The following STXBP5L variants were observed in gnomAD, a reference collection of about 807,000 sequenced individuals.
STXBP5L encodes the protein syntaxin-binding protein 5-like.
In STXBP5L, 65 loss-of-function variants were observed where a neutral mutation model predicts 144.5. That is an observed-to-expected ratio of 0.45 (90% CI 0.37 to 0.55). The LOEUF (loss-of-function observed/expected upper bound fraction) is 0.55, where lower values mean the gene tolerates loss of function less well. Among genes scored for constraint, STXBP5L ranks in the 20% least tolerant of loss-of-function variants. STXBP5L has a pLI of 0.00. For synonymous variants in STXBP5L, 505 were observed against 469.6 expected (o/e 1.08, Z -0.97); for missense variants, 1,298 against 1,405.5 (o/e 0.92, Z 1.22).
At chr3:121,405,813 A>T (rs532271987) in intron 22 of STXBP5L, among the ~76,000 whole-genome samples, 1 of 152,130 alleles carries the variant, frequency 6.6e-6, no homozygotes, top group Non-Finnish European at 1.5e-5. Context: ...AGCATTTATG[A>T]CTAAAAATTA....
chr3:121,343,627 A>C lies in STXBP5L; in HGVS notation c.2176+25087A>C, dbSNP rs1468033938. Among the ~76,000 whole-genome samples the C allele has an allele frequency of 3.3e-5, 5 of 152,158 alleles. No homozygotes were observed. The South Asian group carries it at 1.0e-3, about 32-fold the overall frequency. ...TAACAGACAAACAGACAGCCAAATC[A>C]TGAGTGAACACCCATTCACAATTGC... On this transcript the variant is annotated intron_variant, in intron 20 of 26. Transcript: ENST00000471454.
chr3:120,996,394 C>G (rs771239566), intron 3 of STXBP5L, among the ~76,000 whole-genome samples: 2 of 151,854 alleles, frequency 1.3e-5, no homozygotes, highest in African/African-American at 4.8e-5. Context: ...ATTTTTTGAA[C>G]TGATTACTAT....
chr3:121,016,162 TA>T (rs1311538327), intron 3 of STXBP5L, among the ~76,000 whole-genome samples: 1 of 152,176 alleles, frequency 6.6e-6, no homozygotes, highest in Non-Finnish European at 1.5e-5. Context: ...CAGTTCCTAT[TA>T]ATCAATACAA....
At chr3:121,210,810 A>T (rs2048532114) in intron 10 of STXBP5L, among the ~76,000 whole-genome samples, 2 of 152,200 alleles carry the variant, frequency 1.3e-5, no homozygotes, top group Non-Finnish European at 1.5e-5. Flanking sequence ...TGGTACTAGT[A>T]CCATGCTGTT....
At chr3:121,288,308 A>T (rs1422805885) in intron 19 of STXBP5L, among the ~76,000 whole-genome samples, 1 of 152,220 alleles carries the variant, frequency 6.6e-6, no homozygotes, top group East Asian at 1.9e-4. Flanking sequence ...ATACGCATGC[A>T]TGTGTTTTTA....
At chr3:121,160,120 G>A (rs541295184) in intron 9 of STXBP5L, among the ~76,000 whole-genome samples, 1 of 152,220 alleles carries the variant, frequency 6.6e-6, no homozygotes, top group Non-Finnish European at 1.5e-5. Flanking sequence ...AAAACAAATA[G>A]GTCAGGGTAG....
At position 121,257,195 on chromosome 3, in the gene STXBP5L, A is replaced by G. The variant is rs2050234038; in HGVS notation, c.1694A>G (p.Asp565Gly). ...GTACGACTTCAGTATGATGTTGAAGATATTATTACCCCTGAACCAGAAACA... is the reference window on the plus strand; with the variant it reads ...GTACGACTTCAGTATGATGTTGAAGGTATTATTACCCCTGAACCAGAAACA... ...LEVRLQYDVE[D>G]IITPEPETSP... Residue 565 changes from aspartate (D) to glycine (G), a missense_variant, in exon 17 of 27, where the codon GAT (aspartate) becomes GGT (glycine). Coordinates refer to ENST00000471454, the MANE Select transcript of STXBP5L (RefSeq NM_001308330.2). The G allele has an allele frequency of 1.9e-6, 3 of 1,613,260 alleles. No individual in the cohort carries two copies. Among genetic ancestry groups the G allele is most frequent in the Non-Finnish European group, 2.5e-6 (3 of 1,179,440 alleles).
At position 121,144,156 on chromosome 3, in the gene STXBP5L, A is replaced by T. The variant is rs901736756; in HGVS notation, c.670-8321A>T. ...CTCAATAGTAAAAAAAAAAAAAAAA[A>T]AATCTAGTAACCCGATTTTAAAATG... On this transcript the variant is annotated intron_variant, in intron 7 of 26. Coordinates refer to ENST00000471454, the MANE Select transcript of STXBP5L (RefSeq NM_001308330.2). Among the ~76,000 whole-genome samples, 23 of 151,610 alleles carry T rather than the reference A, an allele frequency of 1.5e-4. No individual in the cohort carries two copies. The South Asian group carries it at 1.7e-3, about 11-fold the overall frequency.
chr3:121,358,381 C>T (rs2045598130), intron 20 of STXBP5L, among the ~76,000 whole-genome samples: 1 of 152,196 alleles, frequency 6.6e-6, no homozygotes, highest in Admixed American at 6.5e-5. Context: ...CACAGTTCCA[C>T]ATGGCTGGGG....
intron 10 of STXBP5L, among the ~76,000 whole-genome samples, chr3:121,208,263 C>T (rs1031455720): frequency 1.4e-5 from 2 of 143,890 alleles, no homozygotes; most frequent in African/African-American, 2.6e-5. Flanking sequence ...TGTTCTCACT[C>T]ATAGGTGGGA....
intron 20 of STXBP5L, among the ~76,000 whole-genome samples, chr3:121,329,151 T>A (rs752205840): frequency 6.6e-6 from 1 of 152,186 alleles, no homozygotes; most frequent in African/African-American, 2.4e-5. Context: ...AAATCTGAGC[T>A]GCACTTCAGG....
At position 120,976,104 on chromosome 3, in the gene STXBP5L, A is replaced by G. The variant is rs1940969340; in HGVS notation, c.287+21067A>G. Among the ~76,000 whole-genome samples the G allele has an allele frequency of 2.0e-5, 3 of 152,182 alleles. No homozygotes were observed. The South Asian group carries it at 6.2e-4, about 31-fold the overall frequency. ...TTCCTCTTTTTCTATTGATTGGAAT[A>G]GTTTCAGAAGGAATGGTACCAGCTC... On this transcript the variant is annotated intron_variant, in intron 3 of 26. Transcript: ENST00000471454.
intron 4 of STXBP5L, among the ~76,000 whole-genome samples, chr3:121,042,659 G>T (rs1576753747): frequency 6.6e-6 from 1 of 152,108 alleles, no homozygotes; most frequent in African/African-American, 2.4e-5. Context: ...ACAATTATAA[G>T]TGTGGGTAAA....
chr3:120,981,095 T>G (rs1417490180), intron 3 of STXBP5L, among the ~76,000 whole-genome samples: 1 of 152,152 alleles, frequency 6.6e-6, no homozygotes, highest in Non-Finnish European at 1.5e-5. Context: ...TGGTATTTCC[T>G]TCATAGCTGA....
At chr3:121,169,369 G>A (rs374984609) in intron 9 of STXBP5L, among the ~76,000 whole-genome samples, 1 of 152,118 alleles carries the variant, frequency 6.6e-6, no homozygotes, top group African/African-American at 2.4e-5. Context: ...CGGGCTAAAT[G>A]CCCCAATTAA....
intron 9 of STXBP5L, among the ~76,000 whole-genome samples, chr3:121,170,674 A>T (rs771580996): frequency 1.3e-5 from 2 of 152,192 alleles, no homozygotes; most frequent in Non-Finnish European, 2.9e-5. Flanking sequence ...GACCAATTAC[A>T]AGTTCTAAAA....
At chr3:121,303,176 A>T (rs1187577966) in intron 19 of STXBP5L, among the ~76,000 whole-genome samples, 1 of 152,210 alleles carries the variant, frequency 6.6e-6, no homozygotes, top group African/African-American at 2.4e-5. Flanking sequence ...AACTCAAACA[A>T]ATTTACAAGA....
intron 20 of STXBP5L, among the ~76,000 whole-genome samples, chr3:121,335,008 G>A (rs1185010978): frequency 2.0e-5 from 3 of 152,260 alleles, no homozygotes; most frequent in East Asian, 3.9e-4. Context: ...AAGAGAGAAA[G>A]TCAAACAATT....
chr3:121,313,846 G>A (rs1404098314), intron 19 of STXBP5L, among the ~76,000 whole-genome samples: 10 of 143,114 alleles, frequency 7.0e-5, no homozygotes, highest in South Asian at 2.3e-4. Flanking sequence ...CAGACGGGGC[G>A]GTTGCCAGGC....
Sources: allele counts gnomAD v4.1 joint callset (sites outside exome capture counted in the v4.1 genomes callset), GRCh38; gene constraint gnomAD v4.1.1; transcripts MANE v1.5; gene names NCBI Gene and HGNC (gene_info 2026-07-23, HGNC 2026-07-21).